Variants in DENND5A observed in about 807,000 individuals in gnomAD.
DENND5A encodes the protein DENN domain containing 5A, also known as DENN domain-containing protein 5A.
A neutral mutation model predicts 140.3 loss-of-function variants in DENND5A; 64 were observed. The observed-to-expected ratio is 0.46, with a 90% confidence interval of 0.37 to 0.56. The LOEUF is 0.56. DENND5A is among the 20% of genes least tolerant of loss of function. DENND5A has a pLI of 0.00. For missense variants in DENND5A, 1,292 were observed against 1,593.8 expected (o/e 0.81, Z 3.22); for synonymous variants, 605 against 607.7 (o/e 1.00, Z 0.07).
chr11:9,142,265 C>T (rs1454051009), intron 21 of DENND5A, among the ~76,000 whole-genome samples, 157 bp from the exon 22 acceptor site: 1 of 152,164 alleles, frequency 6.6e-6, no homozygotes, highest in Non-Finnish European at 1.5e-5. Flanking sequence ...TCAAAATGAT[C>T]CTTAGCTTCC....
intron 15 of DENND5A, among the ~76,000 whole-genome samples, chr11:9,148,216 C>G (rs1487906600): frequency 6.6e-6 from 1 of 151,896 alleles, no homozygotes; most frequent in Non-Finnish European, 1.5e-5. Flanking sequence ...TGAAGGGCAG[C>G]AGAAATTTAG....
chr11:9,254,019 G>A (rs1220955465), intron 1 of DENND5A, among the ~76,000 whole-genome samples: 1 of 152,042 alleles, frequency 6.6e-6, no homozygotes, highest in Non-Finnish European at 1.5e-5. Flanking sequence ...AGCCAGGCAT[G>A]GTGGCGCATG....
chr11:9,262,680 A>G (rs1266538443), intron 1 of DENND5A, among the ~76,000 whole-genome samples: 1 of 152,226 alleles, frequency 6.6e-6, no homozygotes, highest in Non-Finnish European at 1.5e-5. Flanking sequence ...CATCTGTACT[A>G]TAAGAATTTG....
intron 1 of DENND5A, among the ~76,000 whole-genome samples, chr11:9,254,791 G>C (rs556177271): frequency 1.1e-3 from 167 of 152,078 alleles, no homozygotes; most frequent in Non-Finnish European, 2.0e-3. Flanking sequence ...AGTCTCAGTC[G>C]GCAAGGTGTG....
intron 1 of DENND5A, among the ~76,000 whole-genome samples, chr11:9,257,931 T>C (rs1232365273): frequency 6.6e-6 from 1 of 151,792 alleles, no homozygotes; most frequent in Non-Finnish European, 1.5e-5. Context: ...TAGCTGGGAT[T>C]ATAGGTGTGT....
chr11:9,262,847 T>G (rs1425602371), intron 1 of DENND5A, among the ~76,000 whole-genome samples: 1 of 152,082 alleles, frequency 6.6e-6, no homozygotes, highest in Non-Finnish European at 1.5e-5. Context: ...GTTCACGCCA[T>G]TCTCCTGCCT....
At chr11:9,195,865 G>C (rs548511360) in intron 4 of DENND5A, among the ~76,000 whole-genome samples, 3 of 151,958 alleles carry the variant, frequency 2.0e-5, no homozygotes, top group East Asian at 1.9e-4. Context: ...TGGGCAGTAA[G>C]AATATCTTTT....
intron 8 of DENND5A, chr11:9,176,972 A>G (rs1242711107): frequency 2.2e-6 from 1 of 455,404 alleles, no homozygotes; most frequent in East Asian, 6.9e-5. Context: ...TGGGAAAAAT[A>G]GGCTGGGCAC....
intron 8 of DENND5A, 200 bp downstream of exon 8, chr11:9,177,932 G>A: frequency 1.7e-6 from 1 of 581,410 alleles, no homozygotes; most frequent in Non-Finnish European, 3.1e-6. Context: ...TACATACAAT[G>A]AGATCCATTC....
intron 1 of DENND5A, among the ~76,000 whole-genome samples, chr11:9,247,573 AC>A (rs1851532555): frequency 6.6e-6 from 1 of 152,232 alleles, no homozygotes; most frequent in Middle Eastern, 3.4e-3. Context: ...AAAAAAAAAA[AC>A]AAGCTCTAAA....
At position 9,203,667 on chromosome 11, in the gene DENND5A, GT is replaced by G; in HGVS notation, c.941del (p.Tyr314SerfsTer8). The G allele has an allele frequency of 6.2e-7, 1 of 1,612,752 alleles. No individual in the cohort carries two copies. Among genetic ancestry groups the G allele is most frequent in the Non-Finnish European group, 8.5e-7 (1 of 1,179,424 alleles). On this transcript the variant is annotated frameshift_variant, in exon 4 of 23. Coordinates refer to ENST00000328194, the MANE Select transcript of DENND5A (RefSeq NM_015213.4). LOFTEE classifies it high-confidence loss of function. ...TAGTAAGCACTGACTTACGCTGTGAGTAGAGCAGGATTTGAAACTCCAGAAG... is the reference window on the plus strand; with the variant it reads ...TAGTAAGCACTGACTTACGCTGTGAGAGAGCAGGATTTGAAACTCCAGAAG... ...CALLEFQILL[Y>X]SQHYQRLMTV...
At chr11:9,163,361 T>C (rs530180167) in intron 11 of DENND5A, among the ~76,000 whole-genome samples, 119 of 152,232 alleles carry the variant, frequency 7.8e-4, no homozygotes, top group Admixed American at 3.0e-3. Context: ...TACTTTGTGA[T>C]GTTACATTGA....
Position 9,188,508 on chromosome 11 carries a change from G to A in DENND5A, c.1137+4986C>T, listed in dbSNP as rs558936195. On this transcript the variant is annotated intron_variant, in intron 5 of 22. Transcript: ENST00000328194. ...GTTTGGAGGGATCAGGAGAAGACAG[G>A]AAAATGTGGGAAAGTTTGGAACTCC... Among the ~76,000 whole-genome samples the A allele has an allele frequency of 2.3e-4, 35 of 152,314 alleles. No individual in the cohort carries two copies. The South Asian group carries it at 7.2e-3, about 32-fold the overall frequency.
intron 1 of DENND5A, among the ~76,000 whole-genome samples, chr11:9,241,231 T>C (rs969730421): frequency 2.0e-5 from 3 of 152,192 alleles, no homozygotes; most frequent in Non-Finnish European, 4.4e-5. Flanking sequence ...TGTAGGTGCG[T>C]AACATTAAAA....
intron 8 of DENND5A, chr11:9,171,015 A>C: frequency 1.6e-6 from 1 of 608,458 alleles, no homozygotes; most frequent in East Asian, 3.4e-5. Context: ...AACAGGTAAC[A>C]AATGAGGTAA....
At chr11:9,229,001 T>C (rs1259194414) in intron 1 of DENND5A, among the ~76,000 whole-genome samples, 2 of 152,136 alleles carry the variant, frequency 1.3e-5, no homozygotes, top group Admixed American at 6.5e-5. Context: ...TTATAGCAGG[T>C]TGGTCAAAGT....
chr11:9,237,474 G>A (rs370944462), intron 1 of DENND5A, among the ~76,000 whole-genome samples: 14 of 152,188 alleles, frequency 9.2e-5, no homozygotes, highest in Middle Eastern at 3.4e-3. Flanking sequence ...TCAGAAAAGC[G>A]GTAACACTTT....
intron 1 of DENND5A, among the ~76,000 whole-genome samples, chr11:9,260,424 C>G (rs116972783): frequency 1.3e-5 from 2 of 152,128 alleles, no homozygotes; most frequent in Admixed American, 1.3e-4. Flanking sequence ...CCAGGACATT[C>G]GCCCATCAGA....
At chr11:9,167,009 T>C (rs1260358163) in intron 10 of DENND5A, among the ~76,000 whole-genome samples, 3 of 152,124 alleles carry the variant, frequency 2.0e-5, no homozygotes, top group Non-Finnish European at 4.4e-5. Flanking sequence ...CTACCCTTTC[T>C]ATCATAAAGT....
Sources: gnomAD v4.1 joint callset for allele counts (sites outside exome capture counted in the v4.1 genomes callset) on GRCh38, gnomAD v4.1.1 for gene constraint, MANE v1.5 for transcripts, NCBI Gene and HGNC (gene_info 2026-07-23, HGNC 2026-07-21) for gene names.